The following SERINC3 variants were observed in gnomAD, a reference collection of about 807,000 sequenced individuals.
SERINC3 encodes the protein serine incorporator 3, also known as tumor differentially expressed protein 1.
SERINC3 carries 22 observed loss-of-function variants against 52.1 expected under a neutral mutation model. That is an observed-to-expected ratio of 0.42 (90% CI 0.30 to 0.60). The LOEUF is 0.60. SERINC3 is among the 20% of genes least tolerant of loss of function. The pLI is 0.16. For missense variants in SERINC3, 564 were observed against 584.6 expected (o/e 0.96, Z 0.36); for synonymous variants, 226 against 212.7 (o/e 1.06, Z -0.54).
intron 3 of SERINC3, among the ~76,000 whole-genome samples, chr20:44,511,836 T>C (rs1273627571): frequency 6.6e-6 from 1 of 152,244 alleles, no homozygotes; most frequent in African/African-American, 2.4e-5. Context: ...CTGCCTTGTA[T>C]GGCAGAGTGG....
intron 1 of SERINC3, among the ~76,000 whole-genome samples, chr20:44,521,274 T>C (rs765842830): frequency 6.6e-6 from 1 of 152,208 alleles, no homozygotes; most frequent in African/African-American, 2.4e-5. Flanking sequence ...CTTTAAAATG[T>C]TTACAGTTTA....
At chr20:44,516,425 C>T (rs993532160) in intron 1 of SERINC3, among the ~76,000 whole-genome samples, 1 of 151,928 alleles carries the variant, frequency 6.6e-6, no homozygotes, top group African/African-American at 2.4e-5. Flanking sequence ...CAGGTTCTCA[C>T]TCTGTCTCCC....
intron 1 of SERINC3, among the ~76,000 whole-genome samples, chr20:44,516,409 T>C (rs2064381215): frequency 6.6e-6 from 1 of 152,166 alleles, no homozygotes; most frequent in Non-Finnish European, 1.5e-5. Context: ...TTCTTTTTTT[T>C]TGAGACAGGT....
chr20:44,505,037 TTCTG>T, intron 6 of SERINC3, 146 bp from the exon 7 acceptor site: 2 of 576,454 alleles, frequency 3.5e-6, no homozygotes, highest in Non-Finnish European at 6.3e-6. Context: ...ACAAGTAACC[TTCTG>T]TTCAGTTAGC....
intron 1 of SERINC3, among the ~76,000 whole-genome samples, chr20:44,517,291 G>A (rs991748244): frequency 6.6e-6 from 1 of 152,208 alleles, no homozygotes; most frequent in African/African-American, 2.4e-5. Context: ...GCCAGTCTCA[G>A]TCTCCAATTC....
At position 44,500,262 on chromosome 20, in the gene SERINC3, G is replaced by A. The variant is rs570040913; in HGVS notation, c.*34C>T. ...TGGGTTTTCGGTGAAGGAGACCTTTGTGAGTTCCAGTGGTGTCCTTGGCAC... is the reference window on the plus strand; with the variant it reads ...TGGGTTTTCGGTGAAGGAGACCTTTATGAGTTCCAGTGGTGTCCTTGGCAC... On this transcript the variant is annotated 3_prime_UTR_variant, in exon 10 of 10. Coordinates refer to ENST00000342374, the MANE Select transcript of SERINC3 (RefSeq NM_006811.4). 2 of 1,592,728 alleles carry A rather than the reference G, an allele frequency of 1.3e-6. No homozygotes were observed. The highest frequency in any genetic ancestry group is 2.3e-5 in the South Asian group (2 of 88,368).
intron 2 of SERINC3, 52 bp from the exon 3 acceptor site, chr20:44,513,046 C>A: frequency 8.2e-7 from 1 of 1,217,016 alleles, no homozygotes; most frequent in Non-Finnish European, 1.1e-6. Context: ...TAGACAGAGA[C>A]TCTAACCCAC....
At chr20:44,518,704 C>T (rs2064396442) in intron 1 of SERINC3, among the ~76,000 whole-genome samples, 1 of 152,146 alleles carries the variant, frequency 6.6e-6, no homozygotes, top group South Asian at 2.1e-4. Flanking sequence ...GTGGCTCACA[C>T]CTGTAATCCC....
chr20:44,514,720 C>A (rs2064369255), intron 1 of SERINC3, among the ~76,000 whole-genome samples: 1 of 152,120 alleles, frequency 6.6e-6, no homozygotes, highest in African/African-American at 2.4e-5. Flanking sequence ...GAGATTGCGC[C>A]ACTGCACTCC....
intron 4 of SERINC3, 131 bp from the exon 5 acceptor site, chr20:44,510,159 A>C: frequency 2.4e-6 from 2 of 825,134 alleles, no homozygotes; most frequent in Non-Finnish European, 3.8e-6. Flanking sequence ...CAGTACAGCA[A>C]GATTCCAAAC....
chr20:44,516,418 G>A (rs1464000683), intron 1 of SERINC3, among the ~76,000 whole-genome samples: 1 of 151,288 alleles, frequency 6.6e-6, no homozygotes, highest in South Asian at 2.1e-4. Context: ...TTTGAGACAG[G>A]TTCTCACTCT....
At chr20:44,515,307 T>C (rs557117033) in intron 1 of SERINC3, among the ~76,000 whole-genome samples, 1 of 152,232 alleles carries the variant, frequency 6.6e-6, no homozygotes, top group South Asian at 2.1e-4. Flanking sequence ...TGAGCTGAAA[T>C]CATGCCACTG....
intron 1 of SERINC3, among the ~76,000 whole-genome samples, chr20:44,521,609 G>A (rs539053892): frequency 1.3e-5 from 2 of 152,364 alleles, no homozygotes; most frequent in Admixed American, 1.3e-4. Context: ...GCTGGGAGCT[G>A]TCATTCCTTG....
At position 44,503,954 on chromosome 20, in the gene SERINC3, T is replaced by C. The variant is rs770963197; in HGVS notation, c.916A>G (p.Ile306Val). 3.7e-6 allele frequency: 6 copies of C among 1,601,746 alleles called. No individual in the cohort carries two copies. The highest frequency in any genetic ancestry group is 1.8e-5 in the Admixed American group (1 of 56,692). The stretch of plus-strand genomic sequence containing the variant: ...CCAGGAGCCAGGGTTGGTGCAGTTA[T>C]GCGTGTAATAAAGCTCATCAGGTTG... ...NPNLMSFITR[I>V]TAPTLAPGNS... The change falls in exon 8 of 10, where the codon ATA becomes GTA. Residue 306 changes from isoleucine (I) to valine (V), a missense_variant. By Grantham distance (29) the Ile-to-Val change is conservative. Coordinates refer to ENST00000342374, the MANE Select transcript of SERINC3 (RefSeq NM_006811.4).
chr20:44,514,205 AT>A, intron 1 of SERINC3, 165 bp from the exon 2 acceptor site: 1 of 692,810 alleles, frequency 1.4e-6, no homozygotes, highest in Non-Finnish European at 2.3e-6. Context: ...AGTAAATATT[AT>A]TTCTGCCGCT....
rs150379267 is a variant in SERINC3, at chr20:44,514,575, C to T, written c.40-535G>A. On this transcript the variant is annotated intron_variant, in intron 1 of 9. Transcript: ENST00000342374. ...GAGATCGAGACCATCCTGGCTAACA[C>T]GGTGAAACCCTGTCTCTACTAAAAA... Among the ~76,000 whole-genome samples the T allele has an allele frequency of 2.8e-3, 419 of 151,930 alleles. 18 individuals are homozygous for T. The East Asian group carries it at 0.058, about 21-fold the overall frequency.
At chr20:44,512,672 T>C (rs576260865) in intron 3 of SERINC3, 129 bp downstream of exon 3, 8 of 671,386 alleles carry the variant, frequency 1.2e-5, no homozygotes, top group South Asian at 7.0e-5. Flanking sequence ...ACATGCATAA[T>C]AGATCAGAAA....
intron 6 of SERINC3, among the ~76,000 whole-genome samples, chr20:44,506,584 C>CAAAAA (rs1191331026): frequency 5.6e-4 from 8 of 14,260 alleles, no homozygotes; most frequent in Non-Finnish European, 9.6e-4. Flanking sequence ...GACTCCATCT[C>CAAAAA]AAAAAAAAAA....
At chr20:44,513,763 A>C in intron 2 of SERINC3, 116 bp downstream of exon 2, 1 of 847,222 alleles carries the variant, frequency 1.2e-6, no homozygotes, top group Non-Finnish European at 1.7e-6. Context: ...CCCCCATATA[A>C]GTAAAAAATC....
Sources: allele counts gnomAD v4.1 joint callset (sites outside exome capture counted in the v4.1 genomes callset), GRCh38; gene constraint gnomAD v4.1.1; transcripts MANE v1.5; gene names NCBI Gene and HGNC (gene_info 2026-07-23, HGNC 2026-07-21).